KCNQ1: variants seen among roughly 807,000 people sequenced by gnomAD.
KCNQ1 encodes the protein potassium voltage-gated channel subfamily KQT member 1.
KCNQ1 carries 49 observed loss-of-function variants against 72.4 expected under a neutral mutation model. The observed-to-expected ratio is 0.68, with a 90% confidence interval of 0.54 to 0.86. KCNQ1 has a LOEUF of 0.86. KCNQ1 is among the 40% of genes least tolerant of loss of function. The probability of loss-of-function intolerance (pLI) is 0.00; values close to 1 mark genes in which losing one functional copy is unlikely to be tolerated. For missense variants in KCNQ1, 790 were observed against 945.1 expected (o/e 0.84, Z 2.15); for synonymous variants, 450 against 412.6 (o/e 1.09, Z -1.10).
rs1182868256 is a variant in KCNQ1 at position 2,471,869 on chromosome 11, TG to T, written c.386+26388del. Reference sequence around the variant, plus strand: ...GTGTATAGGTGTGTGTGTTTATGTATGGGTGTGTGTGCACATGTGTATAGGT... The same window carrying T: ...GTGTATAGGTGTGTGTGTTTATGTATGGTGTGTGTGCACATGTGTATAGGT... On this transcript the variant is annotated intron_variant, in intron 1 of 15. Transcript: ENST00000155840. The surrounding 1 kb of genome is among the most constrained non-coding windows in gnomAD (Gnocchi z 4.8). 1.2e-4 allele frequency among the ~76,000 whole-genome samples: 19 copies of T among 152,126 alleles called. No individual in the cohort carries two copies. Among genetic ancestry groups the T allele is most frequent in the African/African-American group, 4.1e-4 (17 of 41,476 alleles).
intron 1 of KCNQ1, among the ~76,000 whole-genome samples, chr11:2,527,538 A>T (rs1324643093): frequency 6.6e-6 from 1 of 152,204 alleles, no homozygotes; most frequent in Non-Finnish European, 1.5e-5. Context: ...TAATTACCCC[A>T]AAAGAAAACC....
chr11:2,800,390 T>C (rs1409744867), intron 15 of KCNQ1, among the ~76,000 whole-genome samples: 3 of 152,178 alleles, frequency 2.0e-5, no homozygotes, highest in African/African-American at 7.2e-5. Flanking sequence ...CCCAGACCCC[T>C]GGGCTGTCCT....
intron 2 of KCNQ1, among the ~76,000 whole-genome samples, chr11:2,557,536 A>C (rs1289455083): frequency 1.3e-5 from 2 of 152,260 alleles, no homozygotes; most frequent in Non-Finnish European, 2.9e-5. Flanking sequence ...CAAAATACGC[A>C]TCACGCCTGA....
chr11:2,705,412 C>T (rs374671375), intron 11 of KCNQ1, among the ~76,000 whole-genome samples: 18 of 152,184 alleles, frequency 1.2e-4, no homozygotes, highest in East Asian at 5.8e-4. Context: ...GCCCCCACTT[C>T]GACGCGGGTT....
In KCNQ1 at chr11:2,628,663, C is replaced by T. The variant is rs145813834; in HGVS notation, c.1394-33298C>T. 1,454 of 398,134 alleles carry T rather than the reference C, an allele frequency of 3.7e-3. 3 individuals carry two copies. The highest frequency in any genetic ancestry group is 4.3e-3 in the Non-Finnish European group (967 of 225,914). 24.7% of individuals were successfully genotyped at this position (398,134 alleles called of 1,614,324 possible). A position where few individuals can be genotyped will look rare whatever the true frequency, so the allele number is the denominator to read the frequency against. On this transcript the variant is annotated intron_variant, in intron 10 of 15. Transcript: ENST00000155840. ...TTGATGTAGTTCTAATTTATTTTTG[C>T]GTTTTATTCCTTGTGCTTTTGATGT...
rs1405287142 is a variant in KCNQ1, at chr11:2,486,156, C to G, written c.386+40672C>G. 6.6e-6 allele frequency among the ~76,000 whole-genome samples: 1 copy of G among 152,192 alleles called. No individual in the cohort carries two copies. The highest frequency in any genetic ancestry group is 1.5e-5 in the Non-Finnish European group (1 of 68,032). ...AGTAGCTACCACATCCTCACCAACA[C>G]TTGTAATTTCTGGGGTTTTTTAATA... On this transcript the variant is annotated intron_variant, in intron 1 of 15. Coordinates refer to ENST00000155840, the MANE Select transcript of KCNQ1 (RefSeq NM_000218.3). This position sits in a 1 kb window ranked among gnomAD's most constrained non-coding sequence, Gnocchi z 5.0.
chr11:2,773,504 C>T (rs1846636706), intron 12 of KCNQ1, among the ~76,000 whole-genome samples: 1 of 150,166 alleles, frequency 6.7e-6, no homozygotes, highest in South Asian at 2.1e-4. Flanking sequence ...TCCCATCTTA[C>T]AGAAAGGAGG....
chr11:2,561,192 C>T (rs550846860), intron 2 of KCNQ1, among the ~76,000 whole-genome samples: 1 of 141,430 alleles, frequency 7.1e-6, no homozygotes, highest in African/African-American at 2.6e-5. Flanking sequence ...GACAGCGAGA[C>T]TCCGTCTCAA....
In KCNQ1 at chr11:2,559,526, G is replaced by A. The variant is rs1179615848; in HGVS notation, c.478-11102G>A. Among the ~76,000 whole-genome samples the A allele has an allele frequency of 6.6e-6, 1 of 152,210 alleles. No homozygotes were observed. The highest frequency in any genetic ancestry group is 1.9e-4 in the East Asian group (1 of 5,178). On this transcript the variant is annotated intron_variant, in intron 2 of 15. Coordinates refer to ENST00000155840, the MANE Select transcript of KCNQ1 (RefSeq NM_000218.3). This position sits in a 1 kb window ranked among gnomAD's most constrained non-coding sequence, Gnocchi z 4.9. ...CCTGTCAGGATGGTGTCCGGGATGT[G>A]GGGACCAGACGACAGCTGTCACCCA...
rs1221283721 is a variant in KCNQ1, at chr11:2,698,462, C to G, written c.1514+36381C>G. The G allele has an allele frequency of 2.5e-6, 1 of 398,448 alleles. No individual in the cohort carries two copies. The highest frequency in any genetic ancestry group is 2.1e-5 in the African/African-American group (1 of 48,576). The allele number at this position is 398,448 out of a possible 1,614,324, so 24.7% of individuals were successfully genotyped here. A position where few individuals can be genotyped will look rare whatever the true frequency, so the allele number is the denominator to read the frequency against. ...GACTGAGACCTGCATCTGATCAACT[C>G]TCATCTCCAATATGACCAAGAGACT... On this transcript the variant is annotated intron_variant, in intron 11 of 15. Coordinates refer to ENST00000155840, the MANE Select transcript of KCNQ1 (RefSeq NM_000218.3). The surrounding 1 kb of genome is among the most constrained non-coding windows in gnomAD (Gnocchi z 5.1).
At position 2,838,870 on chromosome 11, in the gene KCNQ1, G is replaced by A. The variant is rs907528221; in HGVS notation, c.1795-8897G>A. Reference sequence around the variant, plus strand: ...CAGAGGGGGCAGCTCAGGAGGCAGCGGCAGAGAATCAAATGCAGGTGGGGC... The same window carrying A: ...CAGAGGGGGCAGCTCAGGAGGCAGCAGCAGAGAATCAAATGCAGGTGGGGC... On this transcript the variant is annotated intron_variant, in intron 15 of 15. Coordinates refer to ENST00000155840, the MANE Select transcript of KCNQ1 (RefSeq NM_000218.3). Among the ~76,000 whole-genome samples the A allele has an allele frequency of 4.6e-5, 7 of 152,168 alleles. No individual in the cohort carries two copies. In the South Asian group the frequency reaches 6.2e-4, roughly 13 times the overall value.
intron 1 of KCNQ1, among the ~76,000 whole-genome samples, chr11:2,503,696 TA>T (rs546684245): frequency 1.3e-5 from 2 of 149,774 alleles, no homozygotes; most frequent in Non-Finnish European, 2.9e-5. Flanking sequence ...ATAATAATAA[TA>T]AAAAAACAAA....
intron 1 of KCNQ1, among the ~76,000 whole-genome samples, chr11:2,505,168 G>A (rs141340368): frequency 4.0e-4 from 61 of 151,986 alleles, no homozygotes; most frequent in African/African-American, 1.4e-3. Flanking sequence ...CATCACCTAG[G>A]TGTTAAGCCC....
rs1260774865 is a variant in KCNQ1, at chr11:2,645,167, A to C, written c.1394-16794A>C. ...CAATCTTCTGCCTCCCAAGGTGTCC[A>C]TGCTGGTATTGGGATGGCTGGGATA... On this transcript the variant is annotated intron_variant, in intron 10 of 15. Transcript: ENST00000155840. This position sits in a 1 kb window ranked among gnomAD's most constrained non-coding sequence, Gnocchi z 5.8. 1 of 398,668 alleles carries C rather than the reference A, an allele frequency of 2.5e-6. No homozygotes were observed. Among genetic ancestry groups the C allele is most frequent in the Non-Finnish European group, 4.4e-6 (1 of 226,098 alleles). 24.7% of individuals were successfully genotyped at this position (398,668 alleles called of 1,614,324 possible).
intron 1 of KCNQ1, among the ~76,000 whole-genome samples, chr11:2,522,384 C>T (rs1847403598): frequency 6.6e-6 from 1 of 152,164 alleles, no homozygotes; most frequent in Non-Finnish European, 1.5e-5. Flanking sequence ...AGTTTCCCGG[C>T]TCTGCAGAGT....
At chr11:2,804,286 C>A (rs923289826) in intron 15 of KCNQ1, among the ~76,000 whole-genome samples, 2 of 152,176 alleles carry the variant, frequency 1.3e-5, no homozygotes, top group African/African-American at 4.8e-5. Context: ...AGGCCTCCTG[C>A]AACGTCATTT....
In KCNQ1 at chr11:2,652,329, G is replaced by C. The variant is rs1849770025; in HGVS notation, c.1394-9632G>C. The C allele has an allele frequency of 2.5e-6, 1 of 398,512 alleles. No individual in the cohort carries two copies. The highest frequency in any genetic ancestry group is 1.3e-4 in the South Asian group (1 of 7,856). 24.7% of individuals were successfully genotyped at this position (398,512 alleles called of 1,614,324 possible). A position where few individuals can be genotyped will look rare whatever the true frequency, so the allele number is the denominator to read the frequency against. On this transcript the variant is annotated intron_variant, in intron 10 of 15. Coordinates refer to ENST00000155840, the MANE Select transcript of KCNQ1 (RefSeq NM_000218.3). This position sits in a 1 kb window ranked among gnomAD's most constrained non-coding sequence, Gnocchi z 5.9. ...TGCTTTGATTATTGTGTGAAGTTAA[G>C]AACTGGCACATTTCCGCGATGTTGT...
chr11:2,589,804 G>C (rs1848647564), intron 10 of KCNQ1, among the ~76,000 whole-genome samples: 1 of 152,180 alleles, frequency 6.6e-6, no homozygotes, highest in Non-Finnish European at 1.5e-5. Flanking sequence ...CACTGCTCCA[G>C]GGCAGACCTG....
intron 11 of KCNQ1, chr11:2,685,037 C>A (rs528863987): frequency 2.3e-4 from 93 of 398,494 alleles, no homozygotes; most frequent in Non-Finnish European, 3.9e-4. Context: ...TGGGTGAGCA[C>A]ATTTCCTGGA....
Sources: gnomAD v4.1 joint callset for allele counts (sites outside exome capture counted in the v4.1 genomes callset) on GRCh38, gnomAD v4.1.1 for gene constraint, Gnocchi (gnomAD v3.1) non-coding constraint, MANE v1.5 for transcripts, NCBI Gene and HGNC (gene_info 2026-07-23, HGNC 2026-07-21) for gene names.